XRCC1: variants seen among roughly 807,000 people sequenced by gnomAD.
The protein encoded by XRCC1 is DNA repair protein XRCC1.
In XRCC1, 52 loss-of-function variants were observed where a neutral mutation model predicts 83.3. That is an observed-to-expected ratio of 0.62 (90% confidence interval 0.50 to 0.79). The LOEUF (loss-of-function observed/expected upper bound fraction) is 0.79, where lower values mean the gene tolerates loss of function less well. Ranked by LOEUF, XRCC1 falls within the 30% of genes least tolerant of loss-of-function variation. XRCC1 has a pLI of 0.00. For missense variants in XRCC1, 793 were observed against 823.5 expected (o/e 0.96, Z 0.45); for synonymous variants, 281 against 312.6 (o/e 0.90, Z 1.07).
chr19:43,569,735 T>C (rs1972789292), intron 2 of XRCC1, among the ~76,000 whole-genome samples: 1 of 152,072 alleles, frequency 6.6e-6, no homozygotes, highest in African/African-American at 2.4e-5. Flanking sequence ...TGAGCTGAGA[T>C]TGTGCCATTG....
chr19:43,573,591 G>A (rs1972825336), intron 2 of XRCC1, among the ~76,000 whole-genome samples: 1 of 152,054 alleles, frequency 6.6e-6, no homozygotes, highest in African/African-American at 2.4e-5. Context: ...GCAGCCCCCA[G>A]GCCAGGAACA....
Position 43,543,658 on chromosome 19 carries a change from A to G in XRCC1, c.1742T>C (p.Val581Ala), listed in dbSNP as rs1298992262. 6.2e-7 allele frequency: 1 copy of G among 1,613,826 alleles called. No homozygotes were observed. The highest frequency in any genetic ancestry group is 1.7e-5 in the Admixed American group (1 of 59,954). Residue 581 changes from valine to alanine, a missense_variant, in exon 16 of 17, where the codon GTT (valine) becomes GCT (alanine). Coordinates refer to ENST00000262887, the MANE Select transcript of XRCC1 (RefSeq NM_006297.3). The stretch of plus-strand genomic sequence containing the variant: ...TTCCTGTGCTGTGATCACAAACTGA[A>G]CCCGGTCACTCATATAGTCCTCGAG... ...GELEDYMSDRVQFVITAQEWD... is the reference protein window; with the variant it reads ...GELEDYMSDRAQFVITAQEWD...
chr19:43,543,564 T>C lies in XRCC1; in HGVS notation c.1788+48A>G, dbSNP rs371465894. The stretch of plus-strand genomic sequence containing the variant: ...GTCATCGAGGGGAGGACGGAGGAGA[T>C]GCAAAGGTGTGCCCGGGTCTCCCAT... On this transcript the variant is annotated intron_variant, in intron 16 of 16. Coordinates refer to ENST00000262887, the MANE Select transcript of XRCC1 (RefSeq NM_006297.3). The C allele has an allele frequency of 1.1e-5, 17 of 1,613,240 alleles. No homozygotes were observed. The African/African-American group carries it at 1.9e-4, about 18-fold the overall frequency.
chr19:43,565,974 A>G (rs1230537577), intron 2 of XRCC1, among the ~76,000 whole-genome samples: 2 of 148,934 alleles, frequency 1.3e-5, no homozygotes, highest in African/African-American at 2.5e-5. Flanking sequence ...AGTGGCTCAC[A>G]CCTGTAATCT....
intron 10 of XRCC1, 128 bp downstream of exon 10, chr19:43,551,443 A>G: frequency 1.3e-6 from 1 of 795,738 alleles, no homozygotes; most frequent in Non-Finnish European, 2.1e-6. Flanking sequence ...CGCTCCTCTC[A>G]GTAGTCTGCT....
chr19:43,555,548 C>T (rs1366417811), intron 3 of XRCC1: 1 of 152,180 alleles, frequency 6.6e-6, no homozygotes, highest in Non-Finnish European at 1.5e-5. Flanking sequence ...TCATTCAGCC[C>T]CTCTCAGCAG....
At chr19:43,553,775 C>G in intron 4 of XRCC1, 92 bp from the exon 5 acceptor site, 2 of 1,057,836 alleles carry the variant, frequency 1.9e-6, no homozygotes, top group Non-Finnish European at 2.7e-6. Context: ...CTCTTCCTGG[C>G]TCCTTCCCTC....
Position 43,543,341 on chromosome 19 carries a change from CGTGTGTGT to C in XRCC1, c.*43_*50del, listed in dbSNP as rs45592142. On this transcript the variant is annotated 3_prime_UTR_variant, in exon 17 of 17. Transcript: ENST00000262887. The stretch of plus-strand genomic sequence containing the variant: ...ACCAACTCATCTTTATTAAATGCAT[CGTGTGTGT>C]GTGTGTGTGTGTGTGTGTGTGTGTG... The C allele has an allele frequency of 7.9e-4, 823 of 1,043,048 alleles. No individual in the cohort carries two copies. Among genetic ancestry groups the C allele is most frequent in the South Asian group, 1.0e-3 (78 of 74,632 alleles). The allele number at this position is 1,043,048 out of a possible 1,614,324, so 64.6% of individuals were successfully genotyped here.
rs537387847 is a variant in XRCC1, at chr19:43,569,598, C to A, written c.144+5312G>T. Among the ~76,000 whole-genome samples the A allele has an allele frequency of 2.8e-4, 43 of 151,922 alleles. No homozygotes were observed. The South Asian group carries it at 6.0e-3, about 21-fold the overall frequency. ...AGGAGTTCGAGACCAGCCTGACCAA[C>A]ATGGTGAAAACCTGTCTCTACTAAA... On this transcript the variant is annotated intron_variant, in intron 2 of 16. Coordinates refer to ENST00000262887, the MANE Select transcript of XRCC1 (RefSeq NM_006297.3).
intron 2 of XRCC1, among the ~76,000 whole-genome samples, chr19:43,568,921 G>C (rs1449289556): frequency 1.3e-5 from 2 of 151,596 alleles, no homozygotes; most frequent in East Asian, 3.9e-4. Context: ...GGTCTTTGTG[G>C]CTCTGTCTGT....
chr19:43,552,015 A>C lies in XRCC1; in HGVS notation c.1082+2T>G. 1 of 1,613,772 alleles carries C rather than the reference A, an allele frequency of 6.2e-7. No homozygotes were observed. The highest frequency in any genetic ancestry group is 8.5e-7 in the Non-Finnish European group (1 of 1,179,754). On this transcript the variant is annotated splice_donor_variant, in intron 9 of 16. Coordinates refer to ENST00000262887, the MANE Select transcript of XRCC1 (RefSeq NM_006297.3). LOFTEE classifies it high-confidence loss of function. ...GGCGCAGGGAGGGGGGCGCAAGCCTACATGAGGTGCGTGCTGTCCCGGGTC... is the reference window on the plus strand; with the variant it reads ...GGCGCAGGGAGGGGGGCGCAAGCCTCCATGAGGTGCGTGCTGTCCCGGGTC...
intron 3 of XRCC1, among the ~76,000 whole-genome samples, chr19:43,556,579 G>A (rs1288258344): frequency 4.0e-5 from 6 of 151,652 alleles, no homozygotes; most frequent in African/African-American, 9.7e-5. Flanking sequence ...CAAGGCAGGC[G>A]GATCATTTGA....
Position 43,546,646 on chromosome 19 carries a change from C to T in XRCC1, c.1375G>A (p.Ala459Thr), listed in dbSNP as rs748777899. 33 of 1,612,038 alleles carry T rather than the reference C, an allele frequency of 2.0e-5. No individual in the cohort carries two copies. The highest frequency in any genetic ancestry group is 2.7e-5 in the Non-Finnish European group (32 of 1,179,464). Residue 459 changes from alanine to threonine, a missense_variant, in exon 12 of 17, where the codon GCA (alanine) becomes ACA (threonine). Transcript: ENST00000262887. ...TCTTCCTGGAGCACTGGTGAGGCTG[C>T]TTTGGTCTCTTCAGGGGTTGGGGGC... Reference protein sequence around the residue: ...QKPPTPEETKAASPVLQEDID... With the variant: ...QKPPTPEETKTASPVLQEDID...
At position 43,552,219 on chromosome 19, in the gene XRCC1, C is replaced by G. The variant is rs904017527; in HGVS notation, c.880G>C (p.Ala294Pro). Residue 294 changes from alanine to proline, a missense_variant, in exon 9 of 17, where the codon GCA (alanine) becomes CCA (proline). Physicochemically the swap from Ala to Pro is conservative, Grantham distance 27. Transcript: ENST00000262887. The part of the protein sequence containing the change: ...TAPVPARAQG[A>P]VTGKPRGEGT... ...TCTCCTCGGGGTTTGCCTGTCACTG[C>G]CCCCTGTGCTCGGGCAGGGACTGGG... 1.2e-6 allele frequency: 2 copies of G among 1,613,616 alleles called. No individual in the cohort carries two copies. Among genetic ancestry groups the G allele is most frequent in the Admixed American group, 1.7e-5 (1 of 60,000 alleles).
intron 10 of XRCC1, among the ~76,000 whole-genome samples, chr19:43,550,699 C>T (rs1600046290): frequency 6.6e-6 from 1 of 152,218 alleles, no homozygotes; most frequent in South Asian, 2.1e-4. Context: ...TGTGTAAGCT[C>T]AGCCTCACCT....
In XRCC1 at chr19:43,554,809, G is replaced by A. The variant is rs1382740512; in HGVS notation, c.256-5C>T. 6.2e-7 allele frequency: 1 copy of A among 1,609,108 alleles called. No individual in the cohort carries two copies. Among genetic ancestry groups the A allele is most frequent in the South Asian group, 1.1e-5 (1 of 90,838 alleles). On this transcript the variant is annotated splice_region_variant and splice_polypyrimidine_tract_variant and intron_variant, in intron 3 of 16. Transcript: ENST00000262887. ...AGATGAGGTGACCAGAAGGACCTGG[G>A]TGGGAGAAGCCACAGTGCATGAGAA...
chr19:43,554,708 G>T lies in XRCC1; in HGVS notation c.352C>A (p.Arg118=). The change falls in exon 4 of 17, where the codon CGG becomes AGG. Residue 118 remains arginine (R), a synonymous_variant. Transcript: ENST00000262887. ...VRMFGPDKLV[R]AAAEKRWDRV... ...TCCCAGCGCTTCTCGGCGGCTGCCC[G>T]GACCAGCTTGTCAGGCCCAAACATG... 6.2e-7 allele frequency: 1 copy of T among 1,613,950 alleles called. No homozygotes were observed. Among genetic ancestry groups the T allele is most frequent in the Middle Eastern group, 1.6e-4 (1 of 6,062 alleles).
intron 3 of XRCC1, among the ~76,000 whole-genome samples, chr19:43,557,202 G>A (rs1972646170): frequency 6.6e-6 from 1 of 151,406 alleles, no homozygotes; most frequent in Non-Finnish European, 1.5e-5. Context: ...CCAGCTACTC[G>A]GGAGGCTGAG....
rs770754800 is a variant in XRCC1, at chr19:43,553,411, C to T, written c.591G>A (p.Lys197=). 4 of 1,614,112 alleles carry T rather than the reference C, an allele frequency of 2.5e-6. No individual in the cohort carries two copies. The South Asian group carries it at 4.4e-5, about 18-fold the overall frequency. ...PGALFFSRIN[K]TSPVTASDPA... ...GTTGTCCGAGCTCACCTGGGGATGT[C>T]TTGTTGATCCGGCTGAAGAAGAGAG... The change falls in exon 6 of 17, where the codon AAG becomes AAA. Residue 197 remains lysine (K), a synonymous_variant. Coordinates refer to ENST00000262887, the MANE Select transcript of XRCC1 (RefSeq NM_006297.3).
Sources: allele counts gnomAD v4.1 joint callset (sites outside exome capture counted in the v4.1 genomes callset), GRCh38; gene constraint gnomAD v4.1.1; transcripts MANE v1.5; gene names NCBI Gene and HGNC (gene_info 2026-07-23, HGNC 2026-07-21).